Variants in FGD6 observed in about 807,000 individuals in gnomAD.
FGD6 encodes FYVE, RhoGEF and PH domain-containing protein 6.
Under a neutral mutation model 149.4 loss-of-function variants are expected in FGD6, and 90 were observed. That is an observed-to-expected ratio of 0.60 (90% CI 0.51 to 0.72). FGD6 has a LOEUF of 0.72. Ranked by LOEUF, FGD6 falls within the 30% of genes least tolerant of loss-of-function variation. The pLI is 0.00. For synonymous variants in FGD6, 527 were observed against 584.0 expected (o/e 0.90, Z 1.41); for missense variants, 1,437 against 1,684.8 (o/e 0.85, Z 2.57).
chr12:95,138,974 A>G (rs1879763516), intron 6 of FGD6, among the ~76,000 whole-genome samples: 1 of 78,704 alleles, frequency 1.3e-5, no homozygotes, highest in African/African-American at 4.7e-5. Flanking sequence ...TATCCTCTGC[A>G]TACTTAAGAG....
At chr12:95,143,726 G>C (rs1463464493) in intron 5 of FGD6, among the ~76,000 whole-genome samples, 2 of 152,078 alleles carry the variant, frequency 1.3e-5, no homozygotes, top group Non-Finnish European at 2.9e-5. Flanking sequence ...AAAATCATTA[G>C]GCTGTCTGCT....
chr12:95,195,776 A>AG (rs968755067), intron 2 of FGD6, among the ~76,000 whole-genome samples: 8 of 95,490 alleles, frequency 8.4e-5, no homozygotes, highest in East Asian at 3.3e-4. Context: ...AAGAGGTGGG[A>AG]GGGGGGTGGG....
intron 8 of FGD6, among the ~76,000 whole-genome samples, chr12:95,126,912 G>GGT (rs1170657201): frequency 6.6e-6 from 1 of 151,502 alleles, no homozygotes; most frequent in African/African-American, 2.4e-5. Context: ...GGGGTGACAG[G>GGT]GTGAGACTTG....
chr12:95,142,072 C>A (rs934059173), intron 5 of FGD6, among the ~76,000 whole-genome samples: 1 of 151,846 alleles, frequency 6.6e-6, no homozygotes. Context: ...GTGGCCCAAT[C>A]TCAGCTCATG....
Position 95,186,228 on chromosome 12 carries a change from C to CTTTTTTTT in FGD6, c.2442-13492_2442-13485dup, listed in dbSNP as rs1174763781. Reference sequence around the variant, plus strand: ...TAAGAATGCTTCTTATATTCTTCTTCTTTTTTTTTTTTTTTTTTTTTTTTT... The same window carrying CTTTTTTTT: ...TAAGAATGCTTCTTATATTCTTCTTCTTTTTTTTTTTTTTTTTTTTTTTTTTTTTTTTT... On this transcript the variant is annotated intron_variant, in intron 2 of 20. Coordinates refer to ENST00000343958, the MANE Select transcript of FGD6 (RefSeq NM_018351.4). Among the ~76,000 whole-genome samples, 18 of 38,994 alleles carry CTTTTTTTT rather than the reference C, an allele frequency of 4.6e-4. 1 individual carries two copies. Among genetic ancestry groups the CTTTTTTTT allele is most frequent in the Admixed American group, 7.2e-4 (2 of 2,792 alleles). 25.6% of individuals were successfully genotyped at this position (38,994 alleles called of 152,430 possible).
intron 11 of FGD6, among the ~76,000 whole-genome samples, chr12:95,108,092 G>A (rs1878690009): frequency 6.6e-6 from 1 of 152,004 alleles, no homozygotes; most frequent in Non-Finnish European, 1.5e-5. Flanking sequence ...ACAAGAAAAC[G>A]ATCCCATTAA....
intron 5 of FGD6, among the ~76,000 whole-genome samples, chr12:95,149,370 A>C (rs1239343229): frequency 8.6e-6 from 1 of 116,734 alleles, no homozygotes; most frequent in Non-Finnish European, 1.6e-5. Context: ...TATTATATAT[A>C]GCACATATTT....
At chr12:95,185,281 C>T (rs888199870) in intron 2 of FGD6, among the ~76,000 whole-genome samples, 2 of 152,176 alleles carry the variant, frequency 1.3e-5, no homozygotes, top group African/African-American at 4.8e-5. Flanking sequence ...AAAATCACTA[C>T]TTTTCTATCA....
intron 8 of FGD6, among the ~76,000 whole-genome samples, chr12:95,115,021 T>TAA (rs1878964379): frequency 6.6e-6 from 1 of 152,222 alleles, no homozygotes; most frequent in South Asian, 2.1e-4. Context: ...AGGCTCTTCT[T>TAA]AAATGCCCCT....
At chr12:95,202,822 AATTCT>A (rs2056670090) in intron 2 of FGD6, among the ~76,000 whole-genome samples, 1 of 152,246 alleles carries the variant, frequency 6.6e-6, no homozygotes, top group African/African-American at 2.4e-5. Flanking sequence ...GTGTGGCTAC[AATTCT>A]AACACGAGAA....
chr12:95,209,806 C>T lies in FGD6; in HGVS notation c.1478G>A (p.Arg493Gln), dbSNP rs1045074245. 13 of 1,610,046 alleles carry T rather than the reference C, an allele frequency of 8.1e-6. No individual in the cohort carries two copies. The highest frequency in any genetic ancestry group is 4.0e-5 in the African/African-American group (3 of 74,440). Residue 493 changes from arginine (R) to glutamine (Q), a missense_variant, in exon 2 of 21, where the codon CGA becomes CAA. Physicochemically the swap from Arg to Gln is conservative, Grantham distance 43 (BLOSUM62 1). Transcript: ENST00000343958. ...ESVIKEENSL[R>Q]IVPKKPQRHS... ...TCTTTGAGGTTTTTTGGGGACAATT[C>T]GTAGAGAATTTTCCTCTTTTATAAC... is the stretch of plus-strand genomic sequence containing the variant.
rs147502355 is a variant in FGD6 at position 95,119,130 on chromosome 12, T to C, written c.3083-5429A>G. ...ATGATGATGATAATAATAATAAAGA[T>C]AGAAATGCTTACTCTGCCTGGTCCA... On this transcript the variant is annotated intron_variant, in intron 8 of 20. Transcript: ENST00000343958. Among the ~76,000 whole-genome samples, 972 of 152,144 alleles carry C rather than the reference T, an allele frequency of 6.4e-3. 13 individuals carry two copies. The highest frequency in any genetic ancestry group is 0.022 in the African/African-American group (908 of 41,516).
rs1877516668 is a variant in FGD6 at position 95,077,074 on chromosome 12, T to G, written c.*4446A>C. 6.6e-6 allele frequency: 1 copy of G among 152,032 alleles called. No individual in the cohort carries two copies. The highest frequency in any genetic ancestry group is 1.5e-5 in the Non-Finnish European group (1 of 68,034). The allele number at this position is 152,032 out of a possible 1,614,324, so 9.4% of individuals were successfully genotyped here. On this transcript the variant is annotated 3_prime_UTR_variant, in exon 21 of 21. Coordinates refer to ENST00000343958, the MANE Select transcript of FGD6 (RefSeq NM_018351.4). ...TTTAAAAAACCCTACTCAAAACAAC[T>G]ATCTCTTATAAGGGAAAATATCATA... is the stretch of plus-strand genomic sequence containing the variant.
intron 2 of FGD6, among the ~76,000 whole-genome samples, chr12:95,202,390 A>AAAATAAAATAAAATAAAATAAAAT (rs374506254): frequency 7.1e-6 from 1 of 141,708 alleles, no homozygotes. Context: ...CCATTTCCCA[A>AAAATAAAATAAAATAAAATAAAAT]AAAATAAAAT....
intron 2 of FGD6, among the ~76,000 whole-genome samples, chr12:95,185,176 C>T (rs1203120945): frequency 1.3e-5 from 2 of 152,038 alleles, no homozygotes; most frequent in Non-Finnish European, 2.9e-5. Context: ...GCCCTTCTTC[C>T]ACTCTTAATC....
chr12:95,166,796 G>T (rs1880832099), intron 3 of FGD6, among the ~76,000 whole-genome samples: 2 of 151,132 alleles, frequency 1.3e-5, no homozygotes, highest in Admixed American at 6.6e-5. Context: ...TCCATTGTAG[G>T]AATATAAAGC....
Position 95,092,722 on chromosome 12 carries a change from G to A in FGD6, c.3724C>T (p.His1242Tyr), listed in dbSNP as rs778549082. ...TSEFTLTWRR[H>Y]HCRACGKIVC... ...ACCTTTCCACAGGCCCGGCAGTGGT[G>A]TCGTCTCCAGGTGAGAGTGAATTCG... Residue 1242 changes from histidine to tyrosine, a missense_variant, in exon 16 of 21, where the codon CAC (histidine) becomes TAC (tyrosine). This residue lies in a region of FGD6 where 382 missense variants were observed against 538.7 expected (regional missense o/e 0.71). Transcript: ENST00000343958. 1.9e-6 allele frequency: 3 copies of A among 1,614,112 alleles called. No individual in the cohort carries two copies. The highest frequency in any genetic ancestry group is 1.7e-6 in the Non-Finnish European group (2 of 1,180,020).
At chr12:95,113,314 C>T (rs1878898606) in intron 9 of FGD6, among the ~76,000 whole-genome samples, 1 of 149,620 alleles carries the variant, frequency 6.7e-6, no homozygotes, top group Non-Finnish European at 1.5e-5. Flanking sequence ...CTCACTGCAA[C>T]CTCCGCCTTC....
chr12:95,131,703 C>A (rs1322171186), intron 8 of FGD6, among the ~76,000 whole-genome samples: 1 of 152,068 alleles, frequency 6.6e-6, no homozygotes, highest in Admixed American at 6.6e-5. Flanking sequence ...GATTTCGTGG[C>A]CTTGAATAAG....
Sources: allele counts gnomAD v4.1 joint callset (sites outside exome capture counted in the v4.1 genomes callset), GRCh38; gene constraint gnomAD v4.1.1; regional missense constraint gnomAD v4.1.1; transcripts MANE v1.5; gene names NCBI Gene and HGNC (gene_info 2026-07-23, HGNC 2026-07-21).